Variants in NXPE2 observed in about 807,000 individuals in gnomAD.
The protein encoded by NXPE2 is NXPE family member 2.
Under a neutral mutation model 34.4 loss-of-function variants are expected in NXPE2, and 34 were observed. That is an observed-to-expected ratio of 0.99 (90% CI 0.75 to 1.31). The LOEUF (loss-of-function observed/expected upper bound fraction) is 1.31. Ranked by LOEUF, NXPE2 falls within the 40% of genes most tolerant of loss-of-function variation. The pLI is 0.00. For synonymous variants in NXPE2, 235 were observed against 231.3 expected (o/e 1.02, Z -0.15); for missense variants, 649 against 672.5 (o/e 0.97, Z 0.39).
the NXPE2 span, among the ~76,000 whole-genome samples, chr11:114,737,918 A>T: frequency 6.6e-6 from 1 of 151,350 alleles, no homozygotes; most frequent in Non-Finnish European, 1.5e-5. Flanking sequence ...CCCTGTCTCT[A>T]CTAAAAAATA....
the NXPE2 span, among the ~76,000 whole-genome samples, chr11:114,787,923 A>G: frequency 6.6e-6 from 1 of 151,890 alleles, no homozygotes; most frequent in Non-Finnish European, 1.5e-5. Context: ...CGCTTTCTGC[A>G]TTTCCTCCTG....
the NXPE2 span, among the ~76,000 whole-genome samples, chr11:114,765,749 C>T: frequency 2.0e-5 from 3 of 152,170 alleles, no homozygotes; most frequent in East Asian, 1.9e-4. Flanking sequence ...TCTGAGATTA[C>T]ACTTTATCTG....
At chr11:114,753,198 C>T in the NXPE2 span, among the ~76,000 whole-genome samples, 1 of 151,988 alleles carries the variant, frequency 6.6e-6, no homozygotes, top group Non-Finnish European at 1.5e-5. Flanking sequence ...TTGAGACCAG[C>T]CTAGGCAACA....
At chr11:114,741,110 G>A in the NXPE2 span, among the ~76,000 whole-genome samples, 3,960 of 152,180 alleles carry the variant, frequency 0.026, 176 homozygotes, top group African/African-American at 0.09. Flanking sequence ...TGGGTTGGCA[G>A]GTTTCTATTT....
the NXPE2 span, among the ~76,000 whole-genome samples, chr11:114,749,138 G>A: frequency 3.5e-4 from 54 of 152,236 alleles, no homozygotes; most frequent in South Asian, 9.1e-3. Context: ...TAAAGCATAC[G>A]TATTTAGAAG....
the NXPE2 span, among the ~76,000 whole-genome samples, chr11:114,620,484 C>T: frequency 3.4e-4 from 52 of 152,010 alleles, no homozygotes; most frequent in African/African-American, 5.1e-4. Context: ...CACTGTTGCC[C>T]GGTGGATAAT....
chr11:114,802,581 A>G, the NXPE2 span, among the ~76,000 whole-genome samples: 2 of 152,174 alleles, frequency 1.3e-5, no homozygotes, highest in African/African-American at 4.8e-5. Context: ...GCACACTTGC[A>G]GTTGCTGATG....
At chr11:114,800,884 G>T in the NXPE2 span, among the ~76,000 whole-genome samples, 2 of 152,182 alleles carry the variant, frequency 1.3e-5, no homozygotes, top group Non-Finnish European at 2.9e-5. Flanking sequence ...AAGTATCATT[G>T]TTGCTGCTGT....
the NXPE2 span, among the ~76,000 whole-genome samples, chr11:114,720,784 C>G: frequency 2.0e-5 from 3 of 152,092 alleles, no homozygotes; most frequent in African/African-American, 7.2e-5. Flanking sequence ...TTTCAAATTA[C>G]TTGTCTGGGT....
At chr11:114,601,432 T>A in the NXPE2 span, among the ~76,000 whole-genome samples, 2 of 131,172 alleles carry the variant, frequency 1.5e-5, no homozygotes, top group Non-Finnish European at 3.1e-5. Context: ...TTGTTCTTTT[T>A]AAATTTATGT....
chr11:114,799,616 T>C, the NXPE2 span, among the ~76,000 whole-genome samples: 3 of 152,204 alleles, frequency 2.0e-5, no homozygotes, highest in African/African-American at 7.2e-5. Context: ...CTTGCCGATG[T>C]GTTCTGTGCA....
At chr11:114,569,276 C>T in the NXPE2 span, among the ~76,000 whole-genome samples, 1 of 152,106 alleles carries the variant, frequency 6.6e-6, no homozygotes. Context: ...ATTCTCATAT[C>T]CAACACTCTT....
intron 3 of NXPE2, among the ~76,000 whole-genome samples, chr11:114,703,188 T>G (rs546612645): frequency 2.0e-5 from 3 of 152,316 alleles, no homozygotes; most frequent in African/African-American, 7.2e-5. Context: ...AAGCTGGCAA[T>G]GTAGACACTC....
At chr11:114,478,076 C>A in the NXPE2 span, among the ~76,000 whole-genome samples, 6 of 152,060 alleles carry the variant, frequency 3.9e-5, no homozygotes, top group Non-Finnish European at 5.9e-5. Flanking sequence ...CCCCCTCCCC[C>A]ACCCCAAGTA....
At chr11:114,735,922 T>A in the NXPE2 span, among the ~76,000 whole-genome samples, 2 of 152,112 alleles carry the variant, frequency 1.3e-5, no homozygotes, top group Admixed American at 1.3e-4. Context: ...TCCGCCGGTT[T>A]GAGAAATAAA....
chr11:114,605,160 A>T, the NXPE2 span, among the ~76,000 whole-genome samples: 1 of 151,754 alleles, frequency 6.6e-6, no homozygotes, highest in South Asian at 2.1e-4. Flanking sequence ...TCCCAGGGAT[A>T]ATAAGTGTTG....
At chr11:114,687,793 C>T (rs1182651299) in intron 2 of NXPE2, among the ~76,000 whole-genome samples, 4 of 151,922 alleles carry the variant, frequency 2.6e-5, no homozygotes, top group South Asian at 2.1e-4. Context: ...TTTTGTAGTT[C>T]CCCTTGTAGA....
At chr11:114,530,247 G>C in the NXPE2 span, 1 of 1,614,128 alleles carries the variant, frequency 6.2e-7, no homozygotes, top group Non-Finnish European at 8.5e-7. Flanking sequence ...GTAGGTCAGA[G>C]CCTCACAGGG....
the NXPE2 span, among the ~76,000 whole-genome samples, chr11:114,622,884 T>C: frequency 6.6e-6 from 1 of 151,712 alleles, no homozygotes; most frequent in African/African-American, 2.4e-5. Flanking sequence ...TGATAATAAG[T>C]ATTGCCTCAT....
Sources: gnomAD v4.1 joint callset for allele counts (sites outside exome capture counted in the v4.1 genomes callset) on GRCh38, gnomAD v4.1.1 for gene constraint, MANE v1.5 for transcripts, NCBI Gene and HGNC (gene_info 2026-07-23, HGNC 2026-07-21) for gene names.